COMMD7: variants seen among roughly 807,000 people sequenced by gnomAD.
COMMD7 encodes the protein COMM domain-containing protein 7.
COMMD7 carries 28 observed loss-of-function variants against 34.8 expected under a neutral mutation model. That is an observed-to-expected ratio of 0.80 (90% confidence interval 0.60 to 1.10). The LOEUF is 1.10. Among genes scored for constraint, COMMD7 ranks in the 50% least tolerant of loss-of-function variants. COMMD7 has a pLI of 0.00. For synonymous variants in COMMD7, 80 were observed against 86.4 expected, an observed-to-expected ratio of 0.93 and a Z score of 0.41; for missense variants, 211 against 241.6, an observed-to-expected ratio of 0.87 and a Z score of 0.84.
chr20:32,707,117 CAAA>C (rs34159119), intron 3 of COMMD7, among the ~76,000 whole-genome samples: 147 of 118,436 alleles, frequency 1.2e-3, no homozygotes, highest in Middle Eastern at 9.0e-3. Context: ...ATTAAAAATA[CAAA>C]AAAAAAAAAA....
chr20:32,728,836 A>G (rs1307709604), intron 1 of COMMD7, among the ~76,000 whole-genome samples: 6 of 151,882 alleles, frequency 4.0e-5, no homozygotes. Context: ...AAAGTGCTGG[A>G]ATTATAGGCA....
intron 1 of COMMD7, among the ~76,000 whole-genome samples, chr20:32,734,535 C>A (rs954893929): frequency 3.3e-5 from 5 of 151,694 alleles, no homozygotes; most frequent in Non-Finnish European, 5.9e-5. Context: ...GAACCATTTT[C>A]TATATATATA....
chr20:32,742,155 C>T (rs887890722), intron 1 of COMMD7, among the ~76,000 whole-genome samples: 1 of 152,090 alleles, frequency 6.6e-6, no homozygotes, highest in African/African-American at 2.4e-5. Context: ...CCACTGCACT[C>T]CAGCCTGGGT....
At chr20:32,721,821 G>C (rs751456264) in intron 3 of COMMD7, among the ~76,000 whole-genome samples, 1 of 150,562 alleles carries the variant, frequency 6.6e-6, no homozygotes, top group East Asian at 2.0e-4. Flanking sequence ...GCTTGAATCC[G>C]GGAGATGGAG....
At chr20:32,718,439 C>G (rs528331862) in intron 3 of COMMD7, among the ~76,000 whole-genome samples, 263 of 151,864 alleles carry the variant, frequency 1.7e-3, no homozygotes, top group Non-Finnish European at 2.9e-3. Context: ...TGGCTCACGC[C>G]TGTAATCACA....
At chr20:32,741,159 A>AAAC (rs1491178048) in intron 1 of COMMD7, among the ~76,000 whole-genome samples, 203 of 49,112 alleles carry the variant, frequency 4.1e-3, no homozygotes, top group African/African-American at 0.016. Context: ...ACAAACAAAC[A>AAAC]AAAAAAAACT....
At chr20:32,729,217 G>A (rs1257515531) in intron 1 of COMMD7, among the ~76,000 whole-genome samples, 2 of 149,616 alleles carry the variant, frequency 1.3e-5, no homozygotes, top group Admixed American at 6.7e-5. Flanking sequence ...TGCCCAGGCT[G>A]GAGTGCAGTG....
intron 1 of COMMD7, among the ~76,000 whole-genome samples, chr20:32,728,887 C>A (rs1985678808): frequency 6.6e-6 from 1 of 152,084 alleles, no homozygotes; most frequent in African/African-American, 2.4e-5. Context: ...GGGTTCCCCC[C>A]ACCCATAAAC....
chr20:32,709,232 C>G (rs1379749057), intron 3 of COMMD7, among the ~76,000 whole-genome samples: 1 of 151,654 alleles, frequency 6.6e-6, no homozygotes, highest in Non-Finnish European at 1.5e-5. Context: ...GTCAGTAGTT[C>G]GAGACCAGCC....
intron 3 of COMMD7, among the ~76,000 whole-genome samples, chr20:32,726,940 T>C (rs937080004): frequency 6.6e-6 from 1 of 151,906 alleles, no homozygotes; most frequent in African/African-American, 2.4e-5. Context: ...TCTAATACAC[T>C]TGAACTGAAC....
At chr20:32,741,682 G>A (rs1986456245) in intron 1 of COMMD7, among the ~76,000 whole-genome samples, 3 of 152,008 alleles carry the variant, frequency 2.0e-5, no homozygotes, top group East Asian at 1.9e-4. Context: ...CACCGTGCCC[G>A]GCCTATTTTT....
intron 1 of COMMD7, among the ~76,000 whole-genome samples, chr20:32,733,876 C>T (rs988492092): frequency 1.8e-4 from 27 of 148,350 alleles, no homozygotes; most frequent in African/African-American, 6.7e-4. Flanking sequence ...AGTGGAACTC[C>T]TTCTCAAAAA....
In COMMD7 at chr20:32,727,903, CAGA is replaced by C. The variant is rs778044856; in HGVS notation, c.228_230del (p.Leu77del). On this transcript the variant is annotated inframe_deletion, in exon 3 of 9. Transcript: ENST00000278980. ...AGAGAGGTTACTCACCATTTGGAAC[CAGA>C]AGGAGGCTTTTCACGATGCTTCTGA... The C allele has an allele frequency of 6.2e-7, 1 of 1,613,066 alleles. No individual in the cohort carries two copies. The highest frequency in any genetic ancestry group is 8.5e-7 in the Non-Finnish European group (1 of 1,179,116).
At chr20:32,727,064 T>C (rs1985549639) in intron 3 of COMMD7, among the ~76,000 whole-genome samples, 1 of 151,896 alleles carries the variant, frequency 6.6e-6, no homozygotes, top group Non-Finnish European at 1.5e-5. Context: ...ACTCTATCTC[T>C]ACACACAAAA....
intron 1 of COMMD7, among the ~76,000 whole-genome samples, chr20:32,732,187 C>T (rs1985877897): frequency 6.6e-6 from 1 of 152,150 alleles, no homozygotes; most frequent in Middle Eastern, 3.2e-3. Context: ...GGGTTCAAAG[C>T]AATCCTCCCA....
At chr20:32,716,275 A>T (rs899553271) in intron 3 of COMMD7, among the ~76,000 whole-genome samples, 3 of 152,192 alleles carry the variant, frequency 2.0e-5, no homozygotes, top group Non-Finnish European at 4.4e-5. Flanking sequence ...TTAGAGATAG[A>T]CAACTAGGTA....
chr20:32,740,315 T>G (rs1392509722), intron 1 of COMMD7, among the ~76,000 whole-genome samples: 1 of 75,480 alleles, frequency 1.3e-5, no homozygotes, highest in Non-Finnish European at 3.5e-5. Context: ...AGACACTGTC[T>G]CAAAAAAAAA....
intron 3 of COMMD7, among the ~76,000 whole-genome samples, chr20:32,720,377 C>A (rs2145743476): frequency 6.6e-6 from 1 of 152,234 alleles, no homozygotes; most frequent in East Asian, 1.9e-4. Flanking sequence ...TGCCTGTAAT[C>A]CCAGCTACTC....
At chr20:32,709,196 G>A (rs80104500) in intron 3 of COMMD7, among the ~76,000 whole-genome samples, 29,334 of 151,748 alleles carry the variant, frequency 0.19, 3,264 homozygotes, top group Non-Finnish European at 0.25. Flanking sequence ...AGCACTTTGG[G>A]AGGCTGAGGG....
Sources: gnomAD v4.1 joint callset for allele counts (sites outside exome capture counted in the v4.1 genomes callset) on GRCh38, gnomAD v4.1.1 for gene constraint, MANE v1.5 for transcripts, NCBI Gene and HGNC (gene_info 2026-07-23, HGNC 2026-07-21) for gene names.